The following ERC2 variants were observed in gnomAD, a reference collection of about 807,000 sequenced individuals.
ERC2 encodes the protein ERC protein 2.
In ERC2, 42 loss-of-function variants were observed where a neutral mutation model predicts 114.8. The ratio of observed to expected loss-of-function variants is 0.37; its 90% CI spans 0.29 to 0.47. The LOEUF is 0.47. Ranked by LOEUF, ERC2 falls within the 20% of genes least tolerant of loss-of-function variation. ERC2 has a pLI of 0.99. For synonymous variants in ERC2, 454 were observed against 425.5 expected (o/e 1.07, Z -0.82); for missense variants, 939 against 1,150.7 (o/e 0.82, Z 2.66).
chr3:55,687,566 T>C (rs2062400057), intron 16 of ERC2, among the ~76,000 whole-genome samples: 1 of 152,130 alleles, frequency 6.6e-6, no homozygotes, highest in African/African-American at 2.4e-5. Flanking sequence ...AGCCACGGTC[T>C]CTGCCTGGAA....
At chr3:56,088,213 G>A (rs943699297) in intron 6 of ERC2, among the ~76,000 whole-genome samples, 1 of 152,164 alleles carries the variant, frequency 6.6e-6, no homozygotes, top group Non-Finnish European at 1.5e-5. Context: ...GTGACTGTGA[G>A]AAACAGGTTC....
At chr3:56,123,932 T>A (rs1471584781) in intron 6 of ERC2, among the ~76,000 whole-genome samples, 1 of 152,242 alleles carries the variant, frequency 6.6e-6, no homozygotes, top group Non-Finnish European at 1.5e-5. Flanking sequence ...GTATGTCGCC[T>A]AACTTACCCA....
At chr3:56,409,561 A>G (rs1409156705) in intron 2 of ERC2, among the ~76,000 whole-genome samples, 2 of 151,826 alleles carry the variant, frequency 1.3e-5, no homozygotes, top group Non-Finnish European at 2.9e-5. Flanking sequence ...GGCTGGTGAT[A>G]TTTAAATGAA....
rs1466764726 is a variant in ERC2 at position 56,303,650 on chromosome 3, GTC to G, written c.658-7217_658-7216del. Among the ~76,000 whole-genome samples, 6 of 152,316 alleles carry G rather than the reference GTC, an allele frequency of 3.9e-5. No individual in the cohort carries two copies. The East Asian group carries it at 1.2e-3, about 29-fold the overall frequency. On this transcript the variant is annotated intron_variant, in intron 2 of 17. Transcript: ENST00000288221. The stretch of plus-strand genomic sequence containing the variant: ...GGGTTGTGGGAGAGAGCACTCTCTG[GTC>G]TCTCTTCCTCTTCTTATAAGGAGCA...
At chr3:55,550,777 G>C (rs187246348) in intron 17 of ERC2, among the ~76,000 whole-genome samples, 1 of 152,168 alleles carries the variant, frequency 6.6e-6, no homozygotes, top group African/African-American at 2.4e-5. Flanking sequence ...AGCACTTTGG[G>C]AGGCCAAGGC....
At chr3:56,422,407 C>G (rs1427586842) in intron 2 of ERC2, among the ~76,000 whole-genome samples, 2 of 152,166 alleles carry the variant, frequency 1.3e-5, no homozygotes, top group Non-Finnish European at 2.9e-5. Flanking sequence ...CCAGCCAGTC[C>G]TGGAGTTGCT....
At chr3:56,151,286 C>A (rs529685660) in intron 4 of ERC2, among the ~76,000 whole-genome samples, 1 of 152,198 alleles carries the variant, frequency 6.6e-6, no homozygotes, top group Admixed American at 6.5e-5. Flanking sequence ...AGGCTACTCT[C>A]GAACTCCTGA....
chr3:56,429,978 C>T (rs981624282), intron 2 of ERC2, among the ~76,000 whole-genome samples: 39 of 152,096 alleles, frequency 2.6e-4, no homozygotes, highest in African/African-American at 8.9e-4. Flanking sequence ...CCCTCGACAA[C>T]GCTGCATATA....
chr3:55,923,752 G>A (rs982201628), intron 13 of ERC2, among the ~76,000 whole-genome samples: 2 of 152,026 alleles, frequency 1.3e-5, no homozygotes, highest in Non-Finnish European at 2.9e-5. Context: ...ATTTTCTACT[G>A]CTTTAGGGAG....
intron 2 of ERC2, among the ~76,000 whole-genome samples, chr3:56,325,960 A>G: frequency 6.6e-6 from 1 of 152,210 alleles, no homozygotes; most frequent in South Asian, 2.1e-4. Flanking sequence ...AGAGATGCCC[A>G]TCAGACACAC....
chr3:56,172,481 T>A (rs1172554541), intron 4 of ERC2, among the ~76,000 whole-genome samples: 2 of 152,218 alleles, frequency 1.3e-5, no homozygotes, highest in Non-Finnish European at 1.5e-5. Context: ...TGGGGGCAGA[T>A]AATTCAAAAT....
intron 2 of ERC2, among the ~76,000 whole-genome samples, chr3:56,433,010 CA>C (rs1576938651): frequency 2.7e-5 from 4 of 150,520 alleles, no homozygotes; most frequent in Admixed American, 2.0e-4. Flanking sequence ...CTTGTCTCTA[CA>C]AAAAAAAATA....
rs114264265 is a variant in ERC2, at chr3:55,850,456, G to A, written c.2564+37933C>T. Among the ~76,000 whole-genome samples, 354 of 152,250 alleles carry A rather than the reference G, an allele frequency of 2.3e-3. 3 individuals are homozygous for A. The highest frequency in any genetic ancestry group is 8.1e-3 in the African/African-American group (338 of 41,536). Reference sequence around the variant, plus strand: ...AAGAAGTAAGTAACTATTTATAGAGGAAGAAGATAAAGACATAGGAAGGCC... The same window carrying A: ...AAGAAGTAAGTAACTATTTATAGAGAAAGAAGATAAAGACATAGGAAGGCC... On this transcript the variant is annotated intron_variant, in intron 14 of 17. Coordinates refer to ENST00000288221, the MANE Select transcript of ERC2 (RefSeq NM_015576.3).
chr3:55,541,192 C>T (rs552663422), intron 17 of ERC2, among the ~76,000 whole-genome samples: 3 of 152,284 alleles, frequency 2.0e-5, no homozygotes, highest in East Asian at 1.9e-4. Context: ...AAACATCAAC[C>T]TCCCAGACCA....
intron 3 of ERC2, among the ~76,000 whole-genome samples, chr3:56,207,650 G>GA (rs1364066691): frequency 6.6e-6 from 1 of 151,936 alleles, no homozygotes; most frequent in Non-Finnish European, 1.5e-5. Context: ...TTCTCAAGAA[G>GA]AAAAAAACCT....
chr3:56,331,715 C>T (rs930558616), intron 2 of ERC2, among the ~76,000 whole-genome samples: 2 of 152,138 alleles, frequency 1.3e-5, no homozygotes, highest in African/African-American at 2.4e-5. Flanking sequence ...CTGGTGGGTG[C>T]GTGTGGCATC....
At chr3:56,287,518 G>A (rs2054800757) in intron 3 of ERC2, among the ~76,000 whole-genome samples, 1 of 152,180 alleles carries the variant, frequency 6.6e-6, no homozygotes, top group African/African-American at 2.4e-5. Flanking sequence ...TCTTCCCGCT[G>A]CTCTATGACC....
At chr3:56,429,425 G>A (rs1312544190) in intron 2 of ERC2, among the ~76,000 whole-genome samples, 1 of 152,126 alleles carries the variant, frequency 6.6e-6, no homozygotes, top group Non-Finnish European at 1.5e-5. Context: ...GAGAGCATGG[G>A]CTATGGGTTC....
At chr3:56,020,358 A>T (rs2073626048) in intron 7 of ERC2, among the ~76,000 whole-genome samples, 1 of 151,822 alleles carries the variant, frequency 6.6e-6, no homozygotes, top group Non-Finnish European at 1.5e-5. Context: ...CTTGAGATAG[A>T]CAGCTTAGAA....
Sources: allele counts gnomAD v4.1 joint callset (sites outside exome capture counted in the v4.1 genomes callset), GRCh38; gene constraint gnomAD v4.1.1; transcripts MANE v1.5; gene names NCBI Gene and HGNC (gene_info 2026-07-23, HGNC 2026-07-21).